Variants in SEMA6D observed in about 807,000 individuals in gnomAD.
SEMA6D encodes the protein semaphorin-6D.
In SEMA6D, 35 loss-of-function variants were observed where a neutral mutation model predicts 106.6. That is an observed-to-expected ratio of 0.33 (90% CI 0.25 to 0.44). The LOEUF (loss-of-function observed/expected upper bound fraction) is 0.44. Among genes scored for constraint, SEMA6D ranks in the 20% least tolerant of loss-of-function variants. SEMA6D has a pLI of 1.00. For synonymous variants in SEMA6D, 499 were observed against 487.7 expected (o/e 1.02, Z -0.31); for missense variants, 1,185 against 1,345.9 (o/e 0.88, Z 1.87).
At chr15:47,529,637 T>C (rs1182943406) in intron 3 of SEMA6D, among the ~76,000 whole-genome samples, 3 of 151,338 alleles carry the variant, frequency 2.0e-5, no homozygotes, top group African/African-American at 7.3e-5. Context: ...ATCTTCACTT[T>C]GAGGCACACT....
intron 3 of SEMA6D, among the ~76,000 whole-genome samples, chr15:47,567,872 A>G (rs1175940570): frequency 6.6e-6 from 1 of 152,204 alleles, no homozygotes; most frequent in Non-Finnish European, 1.5e-5. Context: ...TGAAATCACT[A>G]GGGAAAAGAC....
chr15:47,732,982 T>G (rs768082631), intron 1 of SEMA6D, among the ~76,000 whole-genome samples: 117 of 152,186 alleles, frequency 7.7e-4, no homozygotes, highest in Non-Finnish European at 8.5e-4. Flanking sequence ...ATGAAGGCAT[T>G]TTTATCTCTT....
Position 47,348,727 on chromosome 15 carries a change from C to CCACACAGAGAGAGAGAGAGAGAGAGAGAG in SEMA6D, c.-238-63666_-238-63665insCACACAGAGAGAGAGAGAGAGAGAGAGAG, listed in dbSNP as rs1555425939. 1.1e-3 allele frequency among the ~76,000 whole-genome samples: 64 copies of CCACACAGAGAGAGAGAGAGAGAGAGAGAG among 57,092 alleles called. 4 individuals carry two copies. Among genetic ancestry groups the CCACACAGAGAGAGAGAGAGAGAGAGAGAG allele is most frequent in the Non-Finnish European group, 2.0e-3 (51 of 25,032 alleles). The allele number at this position is 57,092 out of a possible 152,430, so 37.5% of individuals were successfully genotyped here. On this transcript the variant is annotated intron_variant, in intron 1 of 19. Transcript: ENST00000558014. The stretch of plus-strand genomic sequence containing the variant: ...CACACACACACACACACCACACACA[C>CCACACAGAGAGAGAGAGAGAGAGAGAGAG]AGAGAGAGAGAGAGAGAGAGAGAGA...
At chr15:47,551,754 G>A (rs111597503) in intron 3 of SEMA6D, among the ~76,000 whole-genome samples, 1,739 of 149,846 alleles carry the variant, frequency 0.012, 35 homozygotes, top group African/African-American at 0.04. Context: ...TTAAAGTCAC[G>A]TGACCAAAAG....
At chr15:47,652,341 T>C (rs2077707876) in intron 4 of SEMA6D, among the ~76,000 whole-genome samples, 1 of 152,266 alleles carries the variant, frequency 6.6e-6, no homozygotes, top group Non-Finnish European at 1.5e-5. Context: ...ACCTTAAGGG[T>C]TAAGATCAGT....
intron 1 of SEMA6D, among the ~76,000 whole-genome samples, chr15:47,298,370 A>G (rs944791165): frequency 2.0e-5 from 3 of 151,396 alleles, no homozygotes; most frequent in Non-Finnish European, 4.4e-5. Context: ...ATACACACCT[A>G]TATTCTAAAC....
chr15:47,583,845 G>A (rs963702322), intron 3 of SEMA6D, among the ~76,000 whole-genome samples: 1 of 152,172 alleles, frequency 6.6e-6, no homozygotes, highest in Non-Finnish European at 1.5e-5. Context: ...AGTAGCCAGA[G>A]GTCAAAGAGG....
chr15:47,459,258 A>G (rs761353337), intron 2 of SEMA6D, among the ~76,000 whole-genome samples: 18 of 151,986 alleles, frequency 1.2e-4, no homozygotes, highest in Non-Finnish European at 2.5e-4. Context: ...GGCCTCTAAG[A>G]CCTCAGAGCA....
intron 3 of SEMA6D, 23 bp from the exon 4 acceptor site, chr15:47,760,955 T>C: frequency 6.2e-7 from 1 of 1,602,904 alleles, no homozygotes; most frequent in Non-Finnish European, 8.5e-7. Flanking sequence ...ACGTGATATG[T>C]TTTATTGCCT....
chr15:47,614,710 G>A (rs1734916703), intron 4 of SEMA6D, among the ~76,000 whole-genome samples: 2 of 152,166 alleles, frequency 1.3e-5, no homozygotes, highest in African/African-American at 4.8e-5. Flanking sequence ...TGTAGATCCA[G>A]GACCTAGCAT....
At chr15:47,654,245 A>T (rs1030511905) in intron 4 of SEMA6D, among the ~76,000 whole-genome samples, 7 of 152,170 alleles carry the variant, frequency 4.6e-5, no homozygotes, top group Non-Finnish European at 7.4e-5. Context: ...TGAACAATCA[A>T]TGCGGAGCTT....
chr15:47,430,455 T>C (rs935605021), intron 2 of SEMA6D, among the ~76,000 whole-genome samples: 19 of 151,798 alleles, frequency 1.3e-4, no homozygotes, highest in Admixed American at 7.2e-4. Flanking sequence ...CTGGGAAAAA[T>C]AATTGTGCTT....
chr15:47,587,619 A>G (rs1483199247), intron 3 of SEMA6D, among the ~76,000 whole-genome samples: 1 of 152,146 alleles, frequency 6.6e-6, no homozygotes, highest in East Asian at 1.9e-4. Context: ...TCAATATCTT[A>G]GGCTTTGAGG....
At chr15:47,358,945 A>T (rs2038695688) in intron 1 of SEMA6D, among the ~76,000 whole-genome samples, 1 of 152,202 alleles carries the variant, frequency 6.6e-6, no homozygotes, top group Admixed American at 6.5e-5. Context: ...CCAGGGAGTC[A>T]CAGAACAGAA....
intron 1 of SEMA6D, among the ~76,000 whole-genome samples, chr15:47,305,218 T>A (rs910710675): frequency 6.6e-6 from 1 of 152,190 alleles, no homozygotes; most frequent in Non-Finnish European, 1.5e-5. Flanking sequence ...TGACTTAGAA[T>A]ATAGTGTGAC....
At chr15:47,614,663 A>G (rs2076973354) in intron 4 of SEMA6D, among the ~76,000 whole-genome samples, 1 of 152,106 alleles carries the variant, frequency 6.6e-6, no homozygotes, top group Non-Finnish European at 1.5e-5. Context: ...TCCCCAGTAT[A>G]ATTTGTGTTC....
intron 1 of SEMA6D, among the ~76,000 whole-genome samples, chr15:47,389,179 A>T (rs1015835436): frequency 6.6e-6 from 1 of 152,156 alleles, no homozygotes; most frequent in Non-Finnish European, 1.5e-5. Context: ...CGTATGTAAA[A>T]TGGGAATAGT....
At chr15:47,730,197 G>A (rs1044006542) in intron 1 of SEMA6D, 21 of 1,544,756 alleles carry the variant, frequency 1.4e-5, no homozygotes, top group Middle Eastern at 2.3e-4. Flanking sequence ...TTGGCGATGC[G>A]AGCCACAGAC....
intron 3 of SEMA6D, among the ~76,000 whole-genome samples, chr15:47,567,831 G>T (rs2046271763): frequency 6.6e-6 from 1 of 152,090 alleles, no homozygotes; most frequent in Non-Finnish European, 1.5e-5. Context: ...ACAGATAAAT[G>T]AACAAATGAA....
Sources: allele counts gnomAD v4.1 joint callset (sites outside exome capture counted in the v4.1 genomes callset), GRCh38; gene constraint gnomAD v4.1.1; transcripts MANE v1.5; gene names NCBI Gene and HGNC (gene_info 2026-07-23, HGNC 2026-07-21).